AK5: variants seen among roughly 807,000 people sequenced by gnomAD.
The protein encoded by AK5 is adenylate kinase 5.
In AK5, 27 loss-of-function variants were observed where a neutral mutation model predicts 69.5. That is an observed-to-expected ratio of 0.39 (90% CI 0.29 to 0.54). The LOEUF (loss-of-function observed/expected upper bound fraction) is 0.54, where lower values mean the gene tolerates loss of function less well. AK5 is among the 20% of genes least tolerant of loss of function. The pLI, the probability that AK5 is intolerant of heterozygous loss-of-function variation, is 0.71. For synonymous variants in AK5, 260 were observed against 244.4 expected (o/e 1.06, Z -0.60); for missense variants, 531 against 700.4 (o/e 0.76, Z 2.73).
chr1:77,344,696 A>T (rs1208630962), intron 6 of AK5, among the ~76,000 whole-genome samples: 1 of 151,878 alleles, frequency 6.6e-6, no homozygotes, highest in Non-Finnish European at 1.5e-5. Context: ...TTTTTCAACT[A>T]GTCTTCATTT....
intron 12 of AK5, among the ~76,000 whole-genome samples, chr1:77,524,393 G>A (rs1026364873): frequency 3.9e-5 from 6 of 152,264 alleles, no homozygotes; most frequent in South Asian, 2.1e-4. Context: ...AGCCATAGTG[G>A]CCACACCACT....
intron 8 of AK5, among the ~76,000 whole-genome samples, chr1:77,431,048 C>A (rs1651604377): frequency 6.6e-6 from 1 of 151,958 alleles, no homozygotes; most frequent in African/African-American, 2.4e-5. Flanking sequence ...TGGGTTAAGA[C>A]AGAAGGAACA....
chr1:77,397,373 C>T (rs756291562), intron 6 of AK5, among the ~76,000 whole-genome samples: 2 of 152,136 alleles, frequency 1.3e-5, no homozygotes, highest in African/African-American at 2.4e-5. Flanking sequence ...AGTCTCTTGG[C>T]GCTTCCTCCG....
At chr1:77,351,101 A>C (rs1372226692) in intron 6 of AK5, among the ~76,000 whole-genome samples, 2 of 152,208 alleles carry the variant, frequency 1.3e-5, no homozygotes, top group Non-Finnish European at 2.9e-5. Flanking sequence ...ATTACAATAA[A>C]AGAATAACTG....
chr1:77,500,627 AT>A (rs1656659538), intron 10 of AK5, among the ~76,000 whole-genome samples: 2 of 152,084 alleles, frequency 1.3e-5, no homozygotes, highest in Non-Finnish European at 2.9e-5. Flanking sequence ...TACTAAAAAT[AT>A]TAAAAAATTA....
chr1:77,490,945 A>G (rs1339894433), intron 10 of AK5, among the ~76,000 whole-genome samples: 2 of 152,132 alleles, frequency 1.3e-5, no homozygotes, highest in Admixed American at 6.5e-5. Flanking sequence ...AAGTGCTCCA[A>G]TTTGGGAAAC....
intron 10 of AK5, among the ~76,000 whole-genome samples, chr1:77,499,869 CATTTTTTTTTTTTTTTT>C (rs1335328614): frequency 2.5e-5 from 2 of 78,768 alleles, no homozygotes; most frequent in African/African-American, 4.5e-5. Context: ...GCCCTTTTTC[CATTTTTTTTTTTTTTTT>C]TTTTTTTTTT....
intron 13 of AK5, among the ~76,000 whole-genome samples, chr1:77,554,679 C>T (rs1659985940): frequency 2.0e-5 from 3 of 152,074 alleles, no homozygotes; most frequent in Admixed American, 2.0e-4. Context: ...GATCTCAGCT[C>T]ACTGTCAGCT....
intron 6 of AK5, among the ~76,000 whole-genome samples, chr1:77,389,124 T>C (rs538729338): frequency 1.3e-5 from 2 of 152,086 alleles, no homozygotes; most frequent in Admixed American, 1.3e-4. Flanking sequence ...GGGACTGTAC[T>C]GTGGGACCCT....
At chr1:77,378,589 G>A (rs1024243502) in intron 6 of AK5, among the ~76,000 whole-genome samples, 17 of 152,162 alleles carry the variant, frequency 1.1e-4, no homozygotes, top group African/African-American at 4.1e-4. Flanking sequence ...CCAAAGTGCT[G>A]GGATTACAGG....
chr1:77,371,116 G>GT (rs1647114273), intron 6 of AK5, among the ~76,000 whole-genome samples: 2 of 152,246 alleles, frequency 1.3e-5, no homozygotes, highest in South Asian at 4.1e-4. Context: ...CCATTTGCAT[G>GT]TCTTCACACA....
chr1:77,486,652 C>T (rs555820843), intron 10 of AK5, among the ~76,000 whole-genome samples: 47 of 150,750 alleles, frequency 3.1e-4, no homozygotes, highest in Non-Finnish European at 6.8e-4. Flanking sequence ...GAGCCGAGAT[C>T]GCGCCACTGC....
chr1:77,326,955 C>T (rs893898847), intron 5 of AK5, among the ~76,000 whole-genome samples: 1 of 152,140 alleles, frequency 6.6e-6, no homozygotes, highest in South Asian at 2.1e-4. Context: ...AATTCATGAA[C>T]ATAGTAGTCA....
intron 6 of AK5, among the ~76,000 whole-genome samples, chr1:77,347,581 C>A (rs1402351262): frequency 6.6e-6 from 1 of 152,146 alleles, no homozygotes; most frequent in African/African-American, 2.4e-5. Context: ...CTTTCATATA[C>A]TGTCATTATT....
intron 8 of AK5, among the ~76,000 whole-genome samples, chr1:77,467,919 G>A (rs1193467991): frequency 1.3e-5 from 2 of 152,186 alleles, no homozygotes; most frequent in Non-Finnish European, 2.9e-5. Flanking sequence ...GGTGCTCATA[G>A]CAGTATCATC....
chr1:77,430,211 A>G (rs916235248), intron 8 of AK5, among the ~76,000 whole-genome samples: 2 of 152,056 alleles, frequency 1.3e-5, no homozygotes, highest in Non-Finnish European at 2.9e-5. Flanking sequence ...GTTGATGGTG[A>G]CACTGGAGTA....
At chr1:77,405,902 C>G (rs1047439376) in intron 6 of AK5, among the ~76,000 whole-genome samples, 1 of 151,784 alleles carries the variant, frequency 6.6e-6, no homozygotes, top group Non-Finnish European at 1.5e-5. Context: ...GCCTTACTCC[C>G]CTTTTCCACT....
At chr1:77,314,390 A>G (rs577483242) in intron 5 of AK5, 1 of 117,524 alleles carries the variant, frequency 8.5e-6, no homozygotes, top group African/African-American at 3.3e-5. Flanking sequence ...AAATGAATCA[A>G]ACAAACGACA....
At chr1:77,513,564 G>C (rs34818192) in intron 10 of AK5, among the ~76,000 whole-genome samples, 102 of 152,340 alleles carry the variant, frequency 6.7e-4, no homozygotes, top group Non-Finnish European at 1.2e-3. Context: ...TTTAGGCCAG[G>C]CCCAGTGACT....
Sources: gnomAD v4.1 joint callset for allele counts (sites outside exome capture counted in the v4.1 genomes callset) on GRCh38, gnomAD v4.1.1 for gene constraint, MANE v1.5 for transcripts, NCBI Gene and HGNC (gene_info 2026-07-23, HGNC 2026-07-21) for gene names.